SLC5A4: variants seen among roughly 807,000 people sequenced by gnomAD.
SLC5A4 encodes probable glucose sensor protein SLC5A4.
Under a neutral mutation model 70.3 loss-of-function variants are expected in SLC5A4, and 55 were observed. That is an observed-to-expected ratio of 0.78 (90% confidence interval 0.63 to 0.98). The LOEUF is 0.98. SLC5A4 is among the 50% of genes least tolerant of loss of function. The pLI, the probability that SLC5A4 is intolerant of heterozygous loss-of-function variation, is 0.00. For missense variants in SLC5A4, 735 were observed against 839.2 expected, an observed-to-expected ratio of 0.88 and a Z score of 1.53; for synonymous variants, 268 against 305.7, an observed-to-expected ratio of 0.88 and a Z score of 1.29.
At chr22:32,242,979 T>G (rs1926622869) in intron 5 of SLC5A4, among the ~76,000 whole-genome samples, 1 of 152,166 alleles carries the variant, frequency 6.6e-6, no homozygotes, top group Non-Finnish European at 1.5e-5. Context: ...AACTGGATAT[T>G]TCAGTGGTTT....
the SLC5A4 span, chr22:32,270,502 A>G: frequency 2.7e-6 from 2 of 733,858 alleles, no homozygotes; most frequent in Non-Finnish European, 4.9e-6. Context: ...CGAAGCGGAC[A>G]ATGACCACCG....
chr22:32,288,872 G>A, the SLC5A4 span, among the ~76,000 whole-genome samples: 39,016 of 151,980 alleles, frequency 0.26, 5,032 homozygotes, highest in East Asian at 0.31. Context: ...GATTATTTTA[G>A]GTTTTCTACC....
chr22:32,234,770 A>G (rs532262461), intron 8 of SLC5A4, 103 bp downstream of exon 8: 2 of 890,464 alleles, frequency 2.2e-6, no homozygotes, highest in Admixed American at 3.9e-5. Context: ...CAAAATGGAA[A>G]CTAAATGTTT....
At chr22:32,268,977 G>A in the SLC5A4 span, among the ~76,000 whole-genome samples, 33 of 151,450 alleles carry the variant, frequency 2.2e-4, no homozygotes, top group Admixed American at 2.0e-3. Context: ...CTTACTGCAC[G>A]CTCTGCCTTC....
chr22:32,343,257 G>A, the SLC5A4 span, among the ~76,000 whole-genome samples: 1 of 152,192 alleles, frequency 6.6e-6, no homozygotes, highest in Non-Finnish European at 1.5e-5. Flanking sequence ...GGTGTGTTCT[G>A]GCCATAGAGA....
chr22:32,241,486 TG>T (rs758481318), intron 5 of SLC5A4, among the ~76,000 whole-genome samples: 13 of 152,230 alleles, frequency 8.5e-5, no homozygotes, highest in Non-Finnish European at 1.8e-4. Flanking sequence ...ATTCATAGTT[TG>T]TTTTTTTTGT....
chr22:32,267,502 A>G, the SLC5A4 span, among the ~76,000 whole-genome samples: 4 of 152,334 alleles, frequency 2.6e-5, no homozygotes, highest in African/African-American at 9.6e-5. Flanking sequence ...TTTAAGAAAC[A>G]GGGTCTCCCT....
the SLC5A4 span, among the ~76,000 whole-genome samples, chr22:32,305,093 A>G: frequency 6.6e-6 from 1 of 152,144 alleles, no homozygotes; most frequent in Non-Finnish European, 1.5e-5. Context: ...TTTTGCCAAT[A>G]CCACACTGTC....
At chr22:32,271,790 A>G in the SLC5A4 span, 1 of 598,724 alleles carries the variant, frequency 1.7e-6, no homozygotes, top group African/African-American at 1.8e-5. Context: ...CAAACTGAGG[A>G]TCAGCGTCCT....
chr22:32,319,291 C>A, the SLC5A4 span, among the ~76,000 whole-genome samples: 2 of 151,406 alleles, frequency 1.3e-5, no homozygotes, highest in Non-Finnish European at 3.0e-5. Context: ...CACACTGGAA[C>A]TCACACCATC....
At chr22:32,289,047 A>G in the SLC5A4 span, among the ~76,000 whole-genome samples, 2 of 152,112 alleles carry the variant, frequency 1.3e-5, no homozygotes, top group Admixed American at 6.5e-5. Flanking sequence ...TTCTTACAGG[A>G]AAGGAAAGCT....
the SLC5A4 span, among the ~76,000 whole-genome samples, chr22:32,274,221 T>G: frequency 1.3e-5 from 2 of 152,180 alleles, no homozygotes; most frequent in South Asian, 4.1e-4. Context: ...TTTTGTATTT[T>G]AGTAGAGACG....
the SLC5A4 span, among the ~76,000 whole-genome samples, chr22:32,299,057 AC>A: frequency 7.1e-6 from 1 of 140,180 alleles, no homozygotes; most frequent in Admixed American, 7.2e-5. Context: ...TTTGAGGGTA[AC>A]CCGACCTTTC....
the SLC5A4 span, among the ~76,000 whole-genome samples, chr22:32,336,618 C>T: frequency 0.15 from 23,141 of 152,262 alleles, 2,168 homozygotes; most frequent in East Asian, 0.47. Context: ...TTTCTCCTGA[C>T]AGCTGCACCC....
At chr22:32,352,542 G>A in the SLC5A4 span, among the ~76,000 whole-genome samples, 13,157 of 152,008 alleles carry the variant, frequency 0.087, 999 homozygotes, top group East Asian at 0.46. Context: ...GGAGGAGGGC[G>A]CCCTCCAGAT....
chr22:32,333,410 A>G, the SLC5A4 span, among the ~76,000 whole-genome samples: 9,334 of 152,238 alleles, frequency 0.061, 307 homozygotes, highest in South Asian at 0.1. Context: ...TGTGAGGTGA[A>G]TGGGTGTAGG....
At chr22:32,352,801 C>T in the SLC5A4 span, among the ~76,000 whole-genome samples, 412 of 152,394 alleles carry the variant, frequency 2.7e-3, 3 homozygotes, top group African/African-American at 9.5e-3. Context: ...GACCACTGCA[C>T]TGCCTGTGCC....
the SLC5A4 span, among the ~76,000 whole-genome samples, chr22:32,330,957 TGTGTG>T: frequency 4.8e-3 from 28 of 5,860 alleles, no homozygotes; most frequent in East Asian, 9.3e-3. Flanking sequence ...CTCTGGTGTG[TGTGTG>T]TTGGGGGCAC....
chr22:32,305,882 CCAGATT>C, the SLC5A4 span, among the ~76,000 whole-genome samples: 1 of 150,996 alleles, frequency 6.6e-6, no homozygotes, highest in Admixed American at 6.6e-5. Flanking sequence ...GGTGCCAGTG[CCAGATT>C]CAGGGCACTG....
Sources: allele counts gnomAD v4.1 joint callset (sites outside exome capture counted in the v4.1 genomes callset), GRCh38; gene constraint gnomAD v4.1.1; transcripts MANE v1.5; gene names NCBI Gene and HGNC (gene_info 2026-07-23, HGNC 2026-07-21).